The following OR4K1 variants were observed in gnomAD, a reference collection of about 807,000 sequenced individuals.
OR4K1 encodes the protein olfactory receptor 4K1.
Under a neutral mutation model 14.4 loss-of-function variants are expected in OR4K1, and 16 were observed. The ratio of observed to expected loss-of-function variants is 1.11; its 90% confidence interval spans 0.75 to 1.68. The LOEUF (loss-of-function observed/expected upper bound fraction) is 1.68, where lower values mean the gene tolerates loss of function less well. OR4K1 is among the 40% of genes most tolerant of loss of function. The pLI, the probability that OR4K1 is intolerant of heterozygous loss-of-function variation, is 0.00. For synonymous variants in OR4K1, 181 were observed against 133.1 expected, an observed-to-expected ratio of 1.36 and a Z score of -2.48; for missense variants, 548 against 376.9, an observed-to-expected ratio of 1.45 and a Z score of -3.76.
upstream of OR4K1, among the ~76,000 whole-genome samples, chr14:19,929,605 G>T (rs77864521): frequency 0.025 from 3,810 of 151,878 alleles, 51 homozygotes; most frequent in South Asian, 0.057. Context: ...GCAATCAAAA[G>T]AAATGATTTC....
At position 19,936,201 on chromosome 14, in the gene OR4K1, T is replaced by G; in HGVS notation, c.535T>G (p.Cys179Gly). Reference protein sequence around the residue: ...CGPNEVDSFFCDLPLVIELAC... With the variant: ...CGPNEVDSFFGDLPLVIELAC... ...TCCCAATGAGGTGGATAGCTTCTTT[T>G]GTGACCTTCCCTTGGTGATAGAGCT... The change falls in exon 2 of 2, where the codon TGT becomes GGT. Residue 179 changes from cysteine to glycine, a missense_variant. Physicochemically the swap from Cys to Gly is radical, Grantham distance 159. Transcript: ENST00000641172. 1.9e-6 allele frequency: 3 copies of G among 1,614,250 alleles called. No homozygotes were observed. Among genetic ancestry groups the G allele is most frequent in the Non-Finnish European group, 1.7e-6 (2 of 1,180,032 alleles).
upstream of OR4K1, among the ~76,000 whole-genome samples, chr14:19,929,357 CTCTGTGTGTG>C (rs1332002811): frequency 2.5e-5 from 3 of 119,136 alleles, no homozygotes; most frequent in Non-Finnish European, 3.5e-5. Context: ...ACATATCACA[CTCTGTGTGTG>C]TGTGTGTGTG....
the OR4K1 span, chr14:19,921,442 C>A: frequency 3.7e-6 from 6 of 1,614,116 alleles, no homozygotes; most frequent in South Asian, 2.2e-5. Context: ...ACTGTTTTCA[C>A]CCCCGTCCTA....
the OR4K1 span, chr14:19,920,558 A>G: frequency 2.0e-4 from 312 of 1,534,628 alleles, no homozygotes; most frequent in Non-Finnish European, 2.0e-4. Context: ...ATTCCTTTCT[A>G]TTTATCCTCC....
chr14:19,928,313 G>A (rs1354654746), upstream of OR4K1, among the ~76,000 whole-genome samples: 1 of 151,988 alleles, frequency 6.6e-6, no homozygotes, highest in Non-Finnish European at 1.5e-5. Context: ...TTTATTTATT[G>A]CTAGTGGTTT....
At chr14:19,928,343 T>C (rs1882105715), upstream of OR4K1, among the ~76,000 whole-genome samples, 1 of 152,300 alleles carries the variant, frequency 6.6e-6, no homozygotes, top group South Asian at 2.1e-4. Flanking sequence ...CTTGCTTCTA[T>C]GGCTAGAACT....
chr14:19,925,070 T>C, the OR4K1 span, among the ~76,000 whole-genome samples: 330 of 152,274 alleles, frequency 2.2e-3, 10 homozygotes, highest in East Asian at 0.047. Context: ...TCTTTTTTTT[T>C]CCTCTGGTTT....
upstream of OR4K1, among the ~76,000 whole-genome samples, chr14:19,928,566 A>C (rs994972387): frequency 6.6e-6 from 1 of 152,164 alleles, no homozygotes; most frequent in Non-Finnish European, 1.5e-5. Flanking sequence ...TAAATAATAA[A>C]TAGGGTTTTT....
At chr14:19,928,524 TA>T (rs1200222691), upstream of OR4K1, among the ~76,000 whole-genome samples, 16 of 152,180 alleles carry the variant, frequency 1.1e-4, no homozygotes, top group South Asian at 4.1e-4. Context: ...AGCTTTTTTT[TA>T]AAATTCCTAT....
chr14:19,933,335 C>A (rs1882228114), intron 1 of OR4K1, among the ~76,000 whole-genome samples: 1 of 152,024 alleles, frequency 6.6e-6, no homozygotes, highest in Admixed American at 6.6e-5. Context: ...ATAAGCAGTT[C>A]CTCATGGTGT....
chr14:19,923,672 G>C, the OR4K1 span, among the ~76,000 whole-genome samples: 1 of 152,200 alleles, frequency 6.6e-6, no homozygotes, highest in Non-Finnish European at 1.5e-5. Flanking sequence ...ATTTAAAGAT[G>C]TGCATTTAGA....
the OR4K1 span, among the ~76,000 whole-genome samples, chr14:19,923,390 C>T: frequency 2.0e-5 from 3 of 152,208 alleles, no homozygotes; most frequent in African/African-American, 7.2e-5. Context: ...AGTTTATCCC[C>T]TTTATGTTCT....
upstream of OR4K1, among the ~76,000 whole-genome samples, chr14:19,926,505 T>G (rs1882066296): frequency 6.6e-6 from 1 of 152,264 alleles, no homozygotes; most frequent in African/African-American, 2.4e-5. Context: ...ATCATTTAGG[T>G]GTTGAGTCCA....
the OR4K1 span, chr14:19,920,985 T>C: frequency 3.8e-5 from 62 of 1,614,082 alleles, no homozygotes; most frequent in South Asian, 5.9e-4. Context: ...TGTAGCCATA[T>C]GCAAACCCTT....
At chr14:19,921,708 G>T in the OR4K1 span, 1 of 1,018,464 alleles carries the variant, frequency 9.8e-7, no homozygotes, top group South Asian at 1.9e-5. Context: ...ATATTAACAA[G>T]TCTTTTTCTA....
rs763218613 is a variant in OR4K1 at position 19,935,845 on chromosome 14, A to T, written c.179A>T (p.Tyr60Phe). The change falls in exon 2 of 2, where the codon TAC becomes TTC. Residue 60 changes from tyrosine (Y) to phenylalanine (F), a missense_variant. Physicochemically the swap from Tyr to Phe is conservative, Grantham distance 22. Coordinates refer to ENST00000641172, the MANE Select transcript of OR4K1 (RefSeq NM_001004063.3). ...GACTCCCATTTGAACTCTCCTATGT[A>T]CTTCTTGCTCAGTAATCTTTCTTTC... is the stretch of plus-strand genomic sequence containing the variant. ...SFDSHLNSPM[Y>F]FLLSNLSFID... 2.5e-6 allele frequency: 4 copies of T among 1,614,100 alleles called. No individual in the cohort carries two copies. The South Asian group carries it at 4.4e-5, about 18-fold the overall frequency.
the OR4K1 span, chr14:19,920,615 G>C: frequency 1.1e-5 from 18 of 1,605,818 alleles, no homozygotes; most frequent in East Asian, 3.6e-4. Flanking sequence ...CCATGGATAA[G>C]TCCAATTCTT....
At chr14:19,929,407 G>A (rs556355304), upstream of OR4K1, among the ~76,000 whole-genome samples, 33 of 132,838 alleles carry the variant, frequency 2.5e-4, no homozygotes, top group South Asian at 2.9e-3. Flanking sequence ...GTGTGTGTGC[G>A]TATGGGGGGA....
upstream of OR4K1, among the ~76,000 whole-genome samples, chr14:19,928,707 T>A (rs1015229470): frequency 6.6e-6 from 1 of 152,200 alleles, no homozygotes; most frequent in Admixed American, 6.6e-5. Context: ...ACATATTTTC[T>A]CCCCAAATTA....
Sources: gnomAD v4.1 joint callset for allele counts (sites outside exome capture counted in the v4.1 genomes callset) on GRCh38, gnomAD v4.1.1 for gene constraint, MANE v1.5 for transcripts, NCBI Gene and HGNC (gene_info 2026-07-23, HGNC 2026-07-21) for gene names.